APBB2: variants seen among roughly 807,000 people sequenced by gnomAD.
APBB2 encodes Fe65-like 1.
A neutral mutation model predicts 82.5 loss-of-function variants in APBB2; 38 were observed. The observed-to-expected ratio is 0.46, with a 90% CI of 0.36 to 0.60. The LOEUF is 0.60. APBB2 is among the 20% of genes least tolerant of loss of function. APBB2 has a pLI of 0.00. For synonymous variants in APBB2, 341 were observed against 368.2 expected, an observed-to-expected ratio of 0.93 and a Z score of 0.85; for missense variants, 772 against 972.3, an observed-to-expected ratio of 0.79 and a Z score of 2.74.
At chr4:40,989,037 G>A (rs1467990528) in intron 6 of APBB2, among the ~76,000 whole-genome samples, 1 of 152,152 alleles carries the variant, frequency 6.6e-6, no homozygotes, top group African/African-American at 2.4e-5. Flanking sequence ...AGGATTACAG[G>A]TGTGAGCCAC....
At chr4:41,161,612 GATAAAA>G (rs1765188351) in intron 1 of APBB2, among the ~76,000 whole-genome samples, 1 of 151,940 alleles carries the variant, frequency 6.6e-6, no homozygotes. Flanking sequence ...TCTCTAAAAA[GATAAAA>G]ATAAAAAATA....
intron 6 of APBB2, among the ~76,000 whole-genome samples, chr4:41,007,172 G>T (rs1183904685): frequency 6.6e-6 from 1 of 152,078 alleles, no homozygotes. Flanking sequence ...ACTGCGATTA[G>T]ATAAGGTCAT....
chr4:40,872,348 G>A (rs1446911661), intron 12 of APBB2, among the ~76,000 whole-genome samples: 3 of 152,178 alleles, frequency 2.0e-5, no homozygotes, highest in Non-Finnish European at 4.4e-5. Flanking sequence ...GGACACGAAC[G>A]GTGACAGAAA....
At chr4:40,851,736 ATATTTT>A (rs1296964452) in intron 12 of APBB2, among the ~76,000 whole-genome samples, 10 of 82,824 alleles carry the variant, frequency 1.2e-4, no homozygotes, top group African/African-American at 5.3e-4. Context: ...ATATATATAT[ATATTTT>A]TTTTTTTTTT....
intron 10 of APBB2, among the ~76,000 whole-genome samples, chr4:40,913,468 T>A (rs897723299): frequency 1.3e-5 from 2 of 152,208 alleles, no homozygotes; most frequent in African/African-American, 4.8e-5. Flanking sequence ...TTGAATAAAG[T>A]CCTTCCTCCG....
chr4:41,025,815 A>G (rs1713808528), intron 5 of APBB2, among the ~76,000 whole-genome samples: 1 of 131,354 alleles, frequency 7.6e-6, no homozygotes. Context: ...GCTAGTTGGA[A>G]GGCTGATGGC....
At chr4:40,880,338 T>C in intron 12 of APBB2, 1 of 985,454 alleles carries the variant, frequency 1.0e-6, no homozygotes, top group Non-Finnish European at 1.2e-6. Context: ...TCATAGTCAC[T>C]GGACTCCCCA....
At chr4:40,939,214 G>C (rs1046839030) in intron 7 of APBB2, among the ~76,000 whole-genome samples, 1 of 152,126 alleles carries the variant, frequency 6.6e-6, no homozygotes, top group Non-Finnish European at 1.5e-5. Flanking sequence ...AATGAATAAA[G>C]ACACATTGCC....
chr4:41,024,563 C>G (rs1198617019), intron 5 of APBB2, among the ~76,000 whole-genome samples: 1 of 152,174 alleles, frequency 6.6e-6, no homozygotes, highest in Non-Finnish European at 1.5e-5. Flanking sequence ...AAAGCCTGGA[C>G]CCAGGTGAAG....
intron 10 of APBB2, among the ~76,000 whole-genome samples, chr4:40,914,958 C>T (rs10019646): frequency 0.29 from 43,605 of 152,064 alleles, 6,472 homozygotes; most frequent in Middle Eastern, 0.39. Context: ...CAGGATGTCA[C>T]CTGATTTACT....
chr4:40,989,181 C>A (rs183621078), intron 6 of APBB2, among the ~76,000 whole-genome samples: 2 of 152,178 alleles, frequency 1.3e-5, no homozygotes, highest in African/African-American at 2.4e-5. Flanking sequence ...GTATAGGAGG[C>A]AGCTATCCCA....
At chr4:41,167,677 G>C (rs1767039247) in intron 1 of APBB2, among the ~76,000 whole-genome samples, 1 of 152,122 alleles carries the variant, frequency 6.6e-6, no homozygotes, top group Non-Finnish European at 1.5e-5. Context: ...CCATCCCTAG[G>C]GCAATATTCC....
chr4:40,846,996 G>A (rs1446215741), intron 12 of APBB2, among the ~76,000 whole-genome samples: 1 of 151,800 alleles, frequency 6.6e-6, no homozygotes, highest in Admixed American at 6.6e-5. Context: ...TCTGAGAGAA[G>A]AATACACACA....
chr4:41,207,059 T>TA (rs1426187532), intron 1 of APBB2, among the ~76,000 whole-genome samples: 3 of 151,828 alleles, frequency 2.0e-5, no homozygotes, highest in Non-Finnish European at 4.4e-5. Context: ...ATTAGCCGGA[T>TA]ACAGTGGCGG....
At chr4:41,087,711 G>A (rs1740275182) in intron 3 of APBB2, among the ~76,000 whole-genome samples, 3 of 152,080 alleles carry the variant, frequency 2.0e-5, no homozygotes, top group South Asian at 2.1e-4. Context: ...TTACAGGTGT[G>A]AGCCACTGTG....
At chr4:40,965,506 A>C (rs112187981) in intron 6 of APBB2, among the ~76,000 whole-genome samples, 1 of 152,180 alleles carries the variant, frequency 6.6e-6, no homozygotes, top group East Asian at 1.9e-4. Flanking sequence ...GTCTAGTCCA[A>C]ATTGAGATGT....
chr4:41,068,022 G>A (rs1732532159), intron 3 of APBB2, among the ~76,000 whole-genome samples: 1 of 152,082 alleles, frequency 6.6e-6, no homozygotes, highest in South Asian at 2.1e-4. Flanking sequence ...TACAGATGAA[G>A]GGACTGACCT....
chr4:40,989,051 G>T (rs533459867), intron 6 of APBB2, among the ~76,000 whole-genome samples: 2 of 152,060 alleles, frequency 1.3e-5, no homozygotes, highest in African/African-American at 4.8e-5. Flanking sequence ...GAGCCACTGC[G>T]CCTGGCCCCA....
intron 3 of APBB2, among the ~76,000 whole-genome samples, chr4:41,082,047 T>C (rs533401550): frequency 6.6e-6 from 1 of 151,628 alleles, no homozygotes; most frequent in South Asian, 2.1e-4. Flanking sequence ...CATGACACAG[T>C]ATGTTGGAGG....
Sources: allele counts gnomAD v4.1 joint callset (sites outside exome capture counted in the v4.1 genomes callset), GRCh38; gene constraint gnomAD v4.1.1; transcripts MANE v1.5; gene names NCBI Gene and HGNC (gene_info 2026-07-23, HGNC 2026-07-21).